The following MUC17 variants were observed in gnomAD, a reference collection of about 807,000 sequenced individuals.
MUC17 encodes the protein mucin 17, cell surface associated.
Under a neutral mutation model 170.3 loss-of-function variants are expected in MUC17, and 190 were observed. The ratio of observed to expected loss-of-function variants is 1.12; its 90% confidence interval spans 0.99 to 1.26. The LOEUF (loss-of-function observed/expected upper bound fraction) is 1.26, where lower values mean the gene tolerates loss of function less well. MUC17 is among the 50% of genes most tolerant of loss of function. The pLI, the probability that MUC17 is intolerant of heterozygous loss-of-function variation, is 0.00. For missense variants in MUC17, 6,415 were observed against 5,530.0 expected (o/e 1.16, Z -5.08); for synonymous variants, 2,325 against 2,002.5 (o/e 1.16, Z -4.30).
rs1795096084 is a variant in MUC17 at position 101,058,680 on chromosome 7, T to C, written c.*636T>C. 1 of 152,146 alleles carries C rather than the reference T, an allele frequency of 6.6e-6. No individual in the cohort carries two copies. Among genetic ancestry groups the C allele is most frequent in the South Asian group, 2.1e-4 (1 of 4,826 alleles). The allele number at this position is 152,146 out of a possible 1,614,324, so 9.4% of individuals were successfully genotyped here. ...TCACAAAATGCTCTCATAAGAATTA[T>C]TGCATACCATCTTCATGAAAAACAC... is the stretch of plus-strand genomic sequence containing the variant. On this transcript the variant is annotated 3_prime_UTR_variant, in exon 13 of 13. Coordinates refer to ENST00000306151, the MANE Select transcript of MUC17 (RefSeq NM_001040105.2).
rs1259932710 is a variant in MUC17, at chr7:101,034,112, C to G, written c.2696C>G (p.Ser899Cys). 7 of 1,584,476 alleles carry G rather than the reference C, an allele frequency of 4.4e-6. No homozygotes were observed. Among genetic ancestry groups the G allele is most frequent in the Non-Finnish European group, 6.0e-6 (7 of 1,164,700 alleles). Residue 899 changes from serine (S) to cysteine (C), a missense_variant, in exon 3 of 13, where the codon TCT becomes TGT. By Grantham distance (112) the Ser-to-Cys change is moderately radical. Coordinates refer to ENST00000306151, the MANE Select transcript of MUC17 (RefSeq NM_001040105.2). Reference protein sequence around the residue: ...PVDTSTPVTNSTEARSSPTTS... With the variant: ...PVDTSTPVTNCTEARSSPTTS... ...GACACCAGCACACCTGTGACCAATTCTACTGAAGCCCGTTCGTCTCCTACA... is the reference window on the plus strand; with the variant it reads ...GACACCAGCACACCTGTGACCAATTGTACTGAAGCCCGTTCGTCTCCTACA...
chr7:101,031,036 G>A, intron 1 of MUC17, 84 bp from the exon 2 acceptor site: 1 of 1,468,758 alleles, frequency 6.8e-7, no homozygotes, highest in Middle Eastern at 1.9e-4. Flanking sequence ...GACTTTCCAG[G>A]GCAGGGAGTA....
Position 101,043,709 on chromosome 7 carries a change from C to G in MUC17, c.12293C>G (p.Pro4098Arg), listed in dbSNP as rs1366526646. The change falls in exon 3 of 13, where the codon CCC becomes CGC. Residue 4098 changes from proline (P) to arginine (R), a missense_variant. Coordinates refer to ENST00000306151, the MANE Select transcript of MUC17 (RefSeq NM_001040105.2). ...AVTTMTTRTK[P>R]STRTTSFPTV... ...ACCACCATGACCACCAGGACAAAAC[C>G]CAGCACACGGACCACTTCCTTCCCC... 4.3e-6 allele frequency: 7 copies of G among 1,614,060 alleles called. No homozygotes were observed. The highest frequency in any genetic ancestry group is 1.6e-4 in the Middle Eastern group (1 of 6,084).
rs760778589 is a variant in MUC17 at position 101,040,497 on chromosome 7, T to C, written c.9081T>C (p.Ser3027=). The part of the protein sequence containing the change: ...PVTTSTEASS[S]PTTAEGTGIP... Reference sequence around the variant, plus strand: ...CCACTTCTACTGAAGCCAGTTCCTCTCCTACAACTGCTGAAGGTACCGGCA... The same window carrying C: ...CCACTTCTACTGAAGCCAGTTCCTCCCCTACAACTGCTGAAGGTACCGGCA... The change falls in exon 3 of 13, where the codon TCT becomes TCC. Residue 3027 remains serine, a synonymous_variant. Coordinates refer to ENST00000306151, the MANE Select transcript of MUC17 (RefSeq NM_001040105.2). The C allele has an allele frequency of 1.2e-6, 2 of 1,611,352 alleles. No homozygotes were observed. The highest frequency in any genetic ancestry group is 2.2e-5 in the East Asian group (1 of 44,704).
chr7:101,042,992 C>A lies in MUC17; in HGVS notation c.11576C>A (p.Ala3859Asp), dbSNP rs999131577. The A allele has an allele frequency of 3.1e-6, 5 of 1,614,074 alleles. No individual in the cohort carries two copies. In the African/African-American group the frequency reaches 6.7e-5, roughly 22 times the overall value. The change falls in exon 3 of 13, where the codon GCT (alanine) becomes GAT (aspartate). Residue 3859 changes from alanine (A) to aspartate (D), a missense_variant. Physicochemically the swap from Ala to Asp is moderately radical, Grantham distance 126. Transcript: ENST00000306151. The stretch of plus-strand genomic sequence containing the variant: ...AAAGCCGGTTCATTCTCCATACCTG[C>A]TGAAGTCACTACCATACGTATTTCA... ...STKAGSFSIP[A>D]EVTTIRISIT...
At chr7:101,028,866 C>T (rs894982747) in intron 1 of MUC17, among the ~76,000 whole-genome samples, 2 of 151,502 alleles carry the variant, frequency 1.3e-5, no homozygotes, top group East Asian at 1.9e-4. Flanking sequence ...CCAGCCTGGG[C>T]GATACAGAGA....
chr7:101,041,200 T>C lies in MUC17; in HGVS notation c.9784T>C (p.Ser3262Pro), dbSNP rs200198579. Residue 3262 changes from serine to proline, a missense_variant, in exon 3 of 13, where the codon TCT (serine) becomes CCT (proline). Coordinates refer to ENST00000306151, the MANE Select transcript of MUC17 (RefSeq NM_001040105.2). ...GACCACTTCTACTGAAGCCAGTTCA[T>C]CTCCTCCCACTGCTGAAGGTACCAG... ...PLTTSTEASS[S>P]PPTAEGTSMP... 58 of 1,600,028 alleles carry C rather than the reference T, an allele frequency of 3.6e-5. No homozygotes were observed. In the African/African-American group the frequency reaches 5.3e-4, roughly 15 times the overall value.
rs376357171 is a variant in MUC17, at chr7:101,037,572, C to T, written c.6156C>T (p.Ser2052=). 3.7e-6 allele frequency: 6 copies of T among 1,613,680 alleles called. No individual in the cohort carries two copies. In the African/African-American group the frequency reaches 6.7e-5, roughly 18 times the overall value. ...RTTPLAGMPV[S]TTLVVSSEGN... ...CTCCATTAGCAGGTATGCCTGTCAGCACTACGCTTGTGGTCAGTTCTGAGG... is the reference window on the plus strand; with the variant it reads ...CTCCATTAGCAGGTATGCCTGTCAGTACTACGCTTGTGGTCAGTTCTGAGG... Residue 2052 remains serine, a synonymous_variant, in exon 3 of 13, where the codon AGC becomes AGT. Transcript: ENST00000306151.
Position 101,042,664 on chromosome 7 carries a change from G to T in MUC17, c.11248G>T (p.Glu3750Ter). The change falls in exon 3 of 13, where the codon GAA becomes TAA. Residue 3750 changes from glutamate (E) to a stop codon, truncating the protein, a stop_gained. Transcript: ENST00000306151. LOFTEE classifies it high-confidence loss of function. The stretch of plus-strand genomic sequence containing the variant: ...CACCATGTCTGTGTCAATGCCCATG[G>T]AAATAAGCACCCTTGGGACCACTAT... The part of the protein sequence containing the change: ...STTMSVSMPM[E>*]ISTLGTTILV... The T allele has an allele frequency of 6.2e-7, 1 of 1,613,940 alleles. No homozygotes were observed. The highest frequency in any genetic ancestry group is 8.5e-7 in the Non-Finnish European group (1 of 1,180,014).
In MUC17 at chr7:101,030,983, G is replaced by A; in HGVS notation, c.83-137G>A. 2.7e-6 allele frequency: 3 copies of A among 1,093,972 alleles called. No homozygotes were observed. The South Asian group carries it at 6.6e-5, about 24-fold the overall frequency. 67.8% of individuals were successfully genotyped at this position (1,093,972 alleles called of 1,614,324 possible). ...TACTTTCTGGGGCAGGGTCCTGATG[G>A]CTGATTTCTAACTAAAATCAGCAGG... On this transcript the variant is annotated intron_variant, in intron 1 of 12. Coordinates refer to ENST00000306151, the MANE Select transcript of MUC17 (RefSeq NM_001040105.2).
At chr7:101,022,917 G>GA (rs1453927733) in intron 1 of MUC17, among the ~76,000 whole-genome samples, 2 of 152,242 alleles carry the variant, frequency 1.3e-5, no homozygotes, top group African/African-American at 2.4e-5. Flanking sequence ...CAGGGGACCA[G>GA]AAAAAACTGT....
At chr7:101,021,688 C>T (rs1323648440) in intron 1 of MUC17, among the ~76,000 whole-genome samples, 2 of 152,180 alleles carry the variant, frequency 1.3e-5, no homozygotes. Context: ...GACCCTGTTC[C>T]TACTCTCCAG....
rs1011436517 is a variant in MUC17, at chr7:101,039,266, C to G, written c.7850C>G (p.Thr2617Ser). 1 of 1,613,486 alleles carries G rather than the reference C, an allele frequency of 6.2e-7. No homozygotes were observed. Among genetic ancestry groups the G allele is most frequent in the Non-Finnish European group, 8.5e-7 (1 of 1,179,750 alleles). ...ACTGAAACCAGTTCATCTCCTACAA[C>G]TGCAAAAGATACCAGCATGCCAATC... ...TSTETSSSPT[T>S]AKDTSMPIST... The change falls in exon 3 of 13, where the codon ACT (threonine) becomes AGT (serine). Residue 2617 changes from threonine to serine, a missense_variant. Thr to Ser is a moderately conservative substitution (Grantham distance 58). Coordinates refer to ENST00000306151, the MANE Select transcript of MUC17 (RefSeq NM_001040105.2).
Position 101,037,344 on chromosome 7 carries a change from A to C in MUC17, c.5928A>C (p.Pro1976=), listed in dbSNP as rs369387757. 1.5e-5 allele frequency: 24 copies of C among 1,614,026 alleles called. No individual in the cohort carries two copies. Among genetic ancestry groups the C allele is most frequent in the Non-Finnish European group, 2.0e-5 (24 of 1,180,024 alleles). ...CAACTGCTGATGGTACCAGCATGCC[A>C]ACCCCAGCTTATAGTGAAGGAAGCA... ...SPTTADGTSM[P]TPAYSEGSTP... Residue 1976 remains proline, a synonymous_variant, in exon 3 of 13, where the codon CCA becomes CCC. Transcript: ENST00000306151.
In MUC17 at chr7:101,035,307, C is replaced by G. The variant is rs749243974; in HGVS notation, c.3891C>G (p.Thr1297=). ...TTLVTSPEAS[T]LLTTPVDTKG... is the part of the protein sequence containing the mutation. ...TGGTGACCAGTCCTGAGGCTAGCAC[C>G]CTTTTAACAACTCCTGTTGACACTA... Residue 1297 remains threonine, a synonymous_variant, in exon 3 of 13, where the codon ACC becomes ACG. Transcript: ENST00000306151. 2 of 1,610,390 alleles carry G rather than the reference C, an allele frequency of 1.2e-6. No individual in the cohort carries two copies. Among genetic ancestry groups the G allele is most frequent in the East Asian group, 4.5e-5 (2 of 44,596 alleles).
chr7:101,043,678 G>A lies in MUC17; in HGVS notation c.12262G>A (p.Ala4088Thr). ...CTCCTCCACGACTGTGAACCCTGAG[G>A]CTGTCACCACCATGACCACCAGGAC... is the stretch of plus-strand genomic sequence containing the variant. ...SASSTTVNPEAVTTMTTRTKP... is the reference protein window; with the variant it reads ...SASSTTVNPETVTTMTTRTKP... The change falls in exon 3 of 13, where the codon GCT becomes ACT. Residue 4088 changes from alanine to threonine, a missense_variant. Coordinates refer to ENST00000306151, the MANE Select transcript of MUC17 (RefSeq NM_001040105.2). 6.2e-7 allele frequency: 1 copy of A among 1,613,940 alleles called. No individual in the cohort carries two copies. Among genetic ancestry groups the A allele is most frequent in the Non-Finnish European group, 8.5e-7 (1 of 1,179,988 alleles).
chr7:101,037,103 C>A lies in MUC17; in HGVS notation c.5687C>A (p.Thr1896Lys). ...TLSTTPAVTS[T>K]PVTTYAQVSS... is the part of the protein sequence containing the mutation. ...TCAACAACTCCCGCTGTCACCAGCA[C>A]ACCTGTGACCACTTATGCTCAAGTC... The change falls in exon 3 of 13, where the codon ACA becomes AAA. Residue 1896 changes from threonine to lysine, a missense_variant. Physicochemically the swap from Thr to Lys is moderately conservative, Grantham distance 78. Transcript: ENST00000306151. 6.4e-7 allele frequency: 1 copy of A among 1,567,106 alleles called. No individual in the cohort carries two copies.
rs1487382053 is a variant in MUC17, at chr7:101,040,426, G to T, written c.9010G>T (p.Ala3004Ser). The T allele has an allele frequency of 6.2e-7, 1 of 1,611,244 alleles. No homozygotes were observed. The highest frequency in any genetic ancestry group is 8.5e-7 in the Non-Finnish European group (1 of 1,178,908). Reference protein sequence around the residue: ...VSTMPVASSEASTLSRTPADT... With the variant: ...VSTMPVASSESSTLSRTPADT... ...CACCATGCCGGTGGCCAGTTCTGAG[G>T]CTAGCACCCTTTCAAGAACTCCTGC... The change falls in exon 3 of 13, where the codon GCT becomes TCT. Residue 3004 changes from alanine (A) to serine (S), a missense_variant. Ala to Ser is a moderately conservative substitution (Grantham distance 99). Transcript: ENST00000306151.
In MUC17 at chr7:101,038,900, C is replaced by A. The variant is rs1341157162; in HGVS notation, c.7484C>A (p.Ser2495Ter). ...ATGACCACTTCTACTGAAGCCAGTT[C>A]ATCTCCTACAACTGCTGAAGATATC... is the stretch of plus-strand genomic sequence containing the variant. ...TPMTTSTEAS[S>*]SPTTAEDIVV... Residue 2495 changes from serine to a stop codon, truncating the protein, a stop_gained, in exon 3 of 13, where the codon TCA becomes TAA. Coordinates refer to ENST00000306151, the MANE Select transcript of MUC17 (RefSeq NM_001040105.2). LOFTEE classifies it high-confidence loss of function. 2 of 1,614,076 alleles carry A rather than the reference C, an allele frequency of 1.2e-6. No homozygotes were observed. Among genetic ancestry groups the A allele is most frequent in the Admixed American group, 3.3e-5 (2 of 60,008 alleles).
Sources: gnomAD v4.1 joint callset for allele counts (sites outside exome capture counted in the v4.1 genomes callset) on GRCh38, gnomAD v4.1.1 for gene constraint, MANE v1.5 for transcripts, NCBI Gene and HGNC (gene_info 2026-07-23, HGNC 2026-07-21) for gene names.